CDC42BPA: variants seen among roughly 807,000 people sequenced by gnomAD.
CDC42BPA encodes CDC42 binding protein kinase alpha, also known as serine/threonine-protein kinase MRCK alpha.
A neutral mutation model predicts 223.5 loss-of-function variants in CDC42BPA; 80 were observed. That is an observed-to-expected ratio of 0.36 (90% CI 0.30 to 0.43). The LOEUF (loss-of-function observed/expected upper bound fraction) is 0.43. CDC42BPA is among the 20% of genes least tolerant of loss of function. The pLI is 1.00. For missense variants in CDC42BPA, 1,743 were observed against 2,099.9 expected, an observed-to-expected ratio of 0.83 and a Z score of 3.32; for synonymous variants, 694 against 718.6, an observed-to-expected ratio of 0.97 and a Z score of 0.55.
At chr1:227,019,109 C>T (rs890226658) in intron 32 of CDC42BPA, among the ~76,000 whole-genome samples, 2 of 152,232 alleles carry the variant, frequency 1.3e-5, no homozygotes, top group Non-Finnish European at 2.9e-5. Context: ...CAGTAGAATT[C>T]CTTTCAAAAC....
At chr1:227,029,334 C>A in intron 29 of CDC42BPA, 84 bp from the exon 30 acceptor site, 1 of 836,780 alleles carries the variant, frequency 1.2e-6, no homozygotes, top group East Asian at 2.7e-5. Context: ...TGTAAGTCAA[C>A]TTACAGATGC....
At chr1:227,218,649 A>G (rs1330352529) in intron 2 of CDC42BPA, among the ~76,000 whole-genome samples, 2 of 152,210 alleles carry the variant, frequency 1.3e-5, no homozygotes, top group African/African-American at 4.8e-5. Flanking sequence ...AGTATACTTT[A>G]CTACTCCAAG....
At chr1:227,246,150 G>A (rs1358031976) in intron 2 of CDC42BPA, among the ~76,000 whole-genome samples, 1 of 152,298 alleles carries the variant, frequency 6.6e-6, no homozygotes, top group African/African-American at 2.4e-5. Context: ...AGTGAACACT[G>A]GTGGTGTGGC....
chr1:227,107,673 G>T (rs1320157346), intron 14 of CDC42BPA, among the ~76,000 whole-genome samples: 1 of 152,158 alleles, frequency 6.6e-6, no homozygotes, highest in Non-Finnish European at 1.5e-5. Flanking sequence ...TTTGTTAGAA[G>T]GTGGCCTGTC....
chr1:227,212,997 G>C, intron 3 of CDC42BPA, 139 bp downstream of exon 3: 1 of 503,146 alleles, frequency 2.0e-6, no homozygotes. Context: ...CAATTGTGTT[G>C]AATTTGTCTT....
At chr1:227,056,071 G>C (rs1674491987) in intron 21 of CDC42BPA, among the ~76,000 whole-genome samples, 1 of 152,116 alleles carries the variant, frequency 6.6e-6, no homozygotes. Context: ...CAGGATCACA[G>C]AACTGGTTTT....
chr1:227,171,733 C>A lies in CDC42BPA; in HGVS notation c.600-11097G>T, dbSNP rs181283489. Among the ~76,000 whole-genome samples, 189 of 152,068 alleles carry A rather than the reference C, an allele frequency of 1.2e-3. 2 individuals carry two copies. Among genetic ancestry groups the A allele is most frequent in the Non-Finnish European group, 5.1e-4 (35 of 67,992 alleles). On this transcript the variant is annotated intron_variant, in intron 5 of 36. Coordinates refer to ENST00000366766, the MANE Select transcript of CDC42BPA (RefSeq NM_001394014.1). ...AAAGCATGATTATTACAAATATTAC[C>A]CCCATAAGACCAAAATGCGGATACG...
At chr1:227,226,802 T>C (rs1198996638) in intron 2 of CDC42BPA, among the ~76,000 whole-genome samples, 1 of 152,128 alleles carries the variant, frequency 6.6e-6, no homozygotes, top group Non-Finnish European at 1.5e-5. Context: ...TTGTCAAAAA[T>C]AAACCATAAT....
intron 32 of CDC42BPA, among the ~76,000 whole-genome samples, chr1:227,017,594 C>T (rs1038976251): frequency 5.3e-5 from 8 of 152,112 alleles, no homozygotes; most frequent in Admixed American, 3.3e-4. Flanking sequence ...CTTCCACTAC[C>T]CTTCCTTTAT....
chr1:227,269,235 G>A (rs1685576543), intron 1 of CDC42BPA, among the ~76,000 whole-genome samples: 2 of 152,220 alleles, frequency 1.3e-5, no homozygotes, highest in African/African-American at 4.8e-5. Flanking sequence ...TGTCTTGTGT[G>A]TCAGTCTGCT....
At chr1:227,294,451 CAT>C (rs1690258520) in intron 1 of CDC42BPA, among the ~76,000 whole-genome samples, 1 of 152,090 alleles carries the variant, frequency 6.6e-6, no homozygotes, top group Non-Finnish European at 1.5e-5. Flanking sequence ...GAATTCACTA[CAT>C]GTTGGGCACT....
intron 16 of CDC42BPA, among the ~76,000 whole-genome samples, chr1:227,084,825 A>G (rs1045800718): frequency 2.6e-5 from 4 of 151,892 alleles, no homozygotes; most frequent in African/African-American, 9.7e-5. Flanking sequence ...TATTCTGGGT[A>G]GGTCTGTGAG....
At chr1:227,228,922 C>A (rs1379657059) in intron 2 of CDC42BPA, among the ~76,000 whole-genome samples, 1 of 152,088 alleles carries the variant, frequency 6.6e-6, no homozygotes, top group Non-Finnish European at 1.5e-5. Flanking sequence ...AGACACTGGG[C>A]CCTCATCAGA....
chr1:227,033,283 A>C (rs754761587), intron 27 of CDC42BPA, 51 bp downstream of exon 27: 4 of 1,200,538 alleles, frequency 3.3e-6, no homozygotes, highest in Non-Finnish European at 4.9e-6. Flanking sequence ...GGCAAAATAT[A>C]CTCATTAAAA....
chr1:227,119,601 CT>C (rs1292850932), intron 12 of CDC42BPA, among the ~76,000 whole-genome samples: 1 of 152,014 alleles, frequency 6.6e-6, no homozygotes, highest in East Asian at 1.9e-4. Context: ...AGATTCTGAA[CT>C]TTCAAGCTTC....
intron 30 of CDC42BPA, among the ~76,000 whole-genome samples, chr1:227,026,745 G>A (rs1050236365): frequency 6.6e-6 from 1 of 152,090 alleles, no homozygotes; most frequent in African/African-American, 2.4e-5. Context: ...CTCTACATTA[G>A]AATAATCATA....
chr1:227,212,343 G>A (rs556436564), intron 3 of CDC42BPA, among the ~76,000 whole-genome samples: 6 of 152,142 alleles, frequency 3.9e-5, no homozygotes, highest in East Asian at 1.9e-4. Context: ...TTCTAAAGGC[G>A]AATTTGTCAT....
At chr1:227,080,506 G>GT (rs766413370) in intron 17 of CDC42BPA, among the ~76,000 whole-genome samples, 73 of 151,996 alleles carry the variant, frequency 4.8e-4, no homozygotes, top group Non-Finnish European at 8.8e-4. Context: ...TAGCTTCTAA[G>GT]TTTTTTTTGC....
At chr1:227,085,279 C>G (rs1681625684) in intron 16 of CDC42BPA, among the ~76,000 whole-genome samples, 2 of 152,218 alleles carry the variant, frequency 1.3e-5, no homozygotes, top group South Asian at 4.1e-4. Flanking sequence ...AGTCAAGGGT[C>G]TGCAAACTTT....
Sources: allele counts gnomAD v4.1 joint callset (sites outside exome capture counted in the v4.1 genomes callset), GRCh38; gene constraint gnomAD v4.1.1; transcripts MANE v1.5; gene names NCBI Gene and HGNC (gene_info 2026-07-23, HGNC 2026-07-21).